Variants in CENPH observed in about 807,000 individuals in gnomAD.
CENPH encodes centromere protein H, also known as CENP-H.
A neutral mutation model predicts 42.9 loss-of-function variants in CENPH; 40 were observed. The observed-to-expected ratio is 0.93, with a 90% confidence interval of 0.72 to 1.21. The LOEUF (loss-of-function observed/expected upper bound fraction) is 1.21. CENPH is among the 50% of genes most tolerant of loss of function. The probability of loss-of-function intolerance (pLI) is 0.00; values close to 1 mark genes in which losing one functional copy is unlikely to be tolerated. For missense variants in CENPH, 302 were observed against 292.9 expected (o/e 1.03, Z -0.23); for synonymous variants, 88 against 96.5 (o/e 0.91, Z 0.52).
At chr5:69,203,946 A>G (rs983596959) in intron 7 of CENPH, among the ~76,000 whole-genome samples, 3 of 145,728 alleles carry the variant, frequency 2.1e-5, no homozygotes, top group South Asian at 2.2e-4. Flanking sequence ...ACTTTTCCAT[A>G]TCCATATAAA....
chr5:69,204,023 T>TATAA (rs1491256774), intron 7 of CENPH, among the ~76,000 whole-genome samples: 5,317 of 40,412 alleles, frequency 0.13, 489 homozygotes, highest in African/African-American at 0.27. Context: ...ATATATAAAT[T>TATAA]ATATATATAA....
intron 3 of CENPH, among the ~76,000 whole-genome samples, 191 bp downstream of exon 3, chr5:69,194,886 A>G (rs1215577748): frequency 6.6e-6 from 1 of 150,590 alleles, no homozygotes; most frequent in Non-Finnish European, 1.5e-5. Flanking sequence ...AGCTGGAACT[A>G]CAGGCTCATT....
At position 69,202,886 on chromosome 5, in the gene CENPH, A is replaced by G. The variant is rs748081658; in HGVS notation, c.436-33A>G. 8 of 1,314,568 alleles carry G rather than the reference A, an allele frequency of 6.1e-6. No individual in the cohort carries two copies. The East Asian group carries it at 1.6e-4, about 27-fold the overall frequency. 81.4% of individuals were successfully genotyped at this position (1,314,568 alleles called of 1,614,324 possible). ...TTACAGGTTTGTCCTTACATACAGT[A>G]ATGTGCTTTAACTTTTTTATTTTTA... On this transcript the variant is annotated intron_variant, in intron 6 of 8. Transcript: ENST00000283006.
At position 69,202,940 on chromosome 5, in the gene CENPH, A is replaced by C. The variant is rs537980989; in HGVS notation, c.457A>C (p.Lys153Gln). 19 of 1,592,732 alleles carry C rather than the reference A, an allele frequency of 1.2e-5. No individual in the cohort carries two copies. The South Asian group carries it at 2.2e-4, about 18-fold the overall frequency. The change falls in exon 7 of 9, where the codon AAA becomes CAA. Residue 153 changes from lysine (K) to glutamine (Q), a missense_variant. Coordinates refer to ENST00000283006, the MANE Select transcript of CENPH (RefSeq NM_022909.4). The stretch of plus-strand genomic sequence containing the variant: ...ACAGGAATCTTGGGATTTAGAGGAA[A>C]AACTGCTTGATATTAGAAAGAAGAG... Reference protein sequence around the residue: ...SQQESWDLEEKLLDIRKKRLQ... With the variant: ...SQQESWDLEEQLLDIRKKRLQ...
chr5:69,206,080 G>A (rs182065593), intron 7 of CENPH, among the ~76,000 whole-genome samples: 1 of 151,914 alleles, frequency 6.6e-6, no homozygotes, highest in African/African-American at 2.4e-5. Context: ...ACACAGGCTG[G>A]TATAGAACTC....
intron 5 of CENPH, among the ~76,000 whole-genome samples, chr5:69,197,798 A>G (rs1476484028): frequency 6.6e-6 from 1 of 151,426 alleles, no homozygotes; most frequent in Non-Finnish European, 1.5e-5. Flanking sequence ...AACTTAAAGT[A>G]TAATAATAAT....
Position 69,205,095 on chromosome 5 carries a change from T to A in CENPH, c.487+2125T>A, listed in dbSNP as rs531839701. Among the ~76,000 whole-genome samples the A allele has an allele frequency of 2.9e-3, 445 of 151,578 alleles. 6 individuals are homozygous for A. The highest frequency in any genetic ancestry group is 3.0e-3 in the Non-Finnish European group (202 of 67,940). ...CACCACGCCCAGCTAATTTTTTGTATTTTTAGTAGAGACGGTGTTTCACCA... is the reference window on the plus strand; with the variant it reads ...CACCACGCCCAGCTAATTTTTTGTAATTTTAGTAGAGACGGTGTTTCACCA... On this transcript the variant is annotated intron_variant, in intron 7 of 8. Transcript: ENST00000283006.
At chr5:69,199,423 G>A (rs1748023139) in intron 5 of CENPH, among the ~76,000 whole-genome samples, 1 of 152,168 alleles carries the variant, frequency 6.6e-6, no homozygotes, top group Non-Finnish European at 1.5e-5. Flanking sequence ...GGATCCACCT[G>A]CGTTGGCCTT....
At position 69,208,331 on chromosome 5, in the gene CENPH, TTAC is replaced by T. The variant is rs1276813991; in HGVS notation, c.628_630del (p.Thr210del). ...CAAAACCTACAGATGGAGATAAAAA[TTAC>T]TACTGTTATTCAACATGTGTTCCAG... On this transcript the variant is annotated inframe_deletion, in exon 8 of 9. Transcript: ENST00000283006. 8.1e-6 allele frequency: 13 copies of T among 1,595,624 alleles called. No individual in the cohort carries two copies. The East Asian group carries it at 2.9e-4, about 36-fold the overall frequency.
At chr5:69,206,462 T>C (rs970200086) in intron 7 of CENPH, among the ~76,000 whole-genome samples, 32 of 150,594 alleles carry the variant, frequency 2.1e-4, no homozygotes, top group Non-Finnish European at 4.4e-4. Flanking sequence ...ATTATACGCA[T>C]GAGCCACCGT....
intron 1 of CENPH, among the ~76,000 whole-genome samples, chr5:69,191,142 A>C (rs1040494421): frequency 3.3e-5 from 5 of 152,166 alleles, no homozygotes; most frequent in African/African-American, 1.2e-4. Context: ...CTGTGTTTGT[A>C]AATACAGTGG....
In CENPH at chr5:69,209,845, T is replaced by C. The variant is rs1316758884; in HGVS notation, c.*46T>C. On this transcript the variant is annotated 3_prime_UTR_variant, in exon 9 of 9. Coordinates refer to ENST00000283006, the MANE Select transcript of CENPH (RefSeq NM_022909.4). ...ATTTTACATTTCTGGCAATCTCAAC[T>C]CTTATTTGGAATACTTCTGTGCATT... 5.5e-6 allele frequency: 6 copies of C among 1,087,592 alleles called. No homozygotes were observed. Among genetic ancestry groups the C allele is most frequent in the Non-Finnish European group, 8.5e-6 (6 of 709,724 alleles). The allele number at this position is 1,087,592 out of a possible 1,614,324, so 67.4% of individuals were successfully genotyped here. A position where few individuals can be genotyped will look rare whatever the true frequency, so the allele number is the denominator to read the frequency against.
chr5:69,202,654 T>A, intron 6 of CENPH, 85 bp downstream of exon 6: 2 of 832,838 alleles, frequency 2.4e-6, no homozygotes, highest in Non-Finnish European at 4.0e-6. Context: ...TATGATTAAA[T>A]AGATTGTCCA....
At position 69,189,843 on chromosome 5, in the gene CENPH, C is replaced by A. The variant is rs879746033; in HGVS notation, c.134+75C>A. On this transcript the variant is annotated intron_variant, in intron 1 of 8. Transcript: ENST00000283006. Reference sequence around the variant, plus strand: ...GGAACTCCGCCCTTGCTCAGAAGGGCTAGGGTTCGAATTCACGCTCGGTCA... The same window carrying A: ...GGAACTCCGCCCTTGCTCAGAAGGGATAGGGTTCGAATTCACGCTCGGTCA... 76 of 1,399,418 alleles carry A rather than the reference C, an allele frequency of 5.4e-5. 1 individual carries two copies. The highest frequency in any genetic ancestry group is 6.6e-5 in the Non-Finnish European group (71 of 1,075,042). 86.7% of individuals were successfully genotyped at this position (1,399,418 alleles called of 1,614,324 possible). A position where few individuals can be genotyped will look rare whatever the true frequency, so the allele number is the denominator to read the frequency against.
chr5:69,193,087 A>G (rs1747903958), intron 2 of CENPH, among the ~76,000 whole-genome samples: 1 of 151,826 alleles, frequency 6.6e-6, no homozygotes, highest in Non-Finnish European at 1.5e-5. Flanking sequence ...ACAAGAGCAA[A>G]ACTCCGTCTC....
chr5:69,198,078 G>A (rs1320814603), intron 5 of CENPH, among the ~76,000 whole-genome samples: 1 of 151,144 alleles, frequency 6.6e-6, no homozygotes, highest in South Asian at 2.1e-4. Context: ...CCACCACCAC[G>A]CCTAGCTAAT....
At chr5:69,209,634 A>G (rs1344075452) in intron 8 of CENPH, 73 bp from the exon 9 acceptor site, 24 of 700,006 alleles carry the variant, frequency 3.4e-5, no homozygotes, top group Non-Finnish European at 5.6e-5. Flanking sequence ...AAGATTCATG[A>G]AAAATGATAT....
chr5:69,208,348 C>T lies in CENPH; in HGVS notation c.640C>T (p.His214Tyr). 6.3e-7 allele frequency: 1 copy of T among 1,587,558 alleles called. No homozygotes were observed. The highest frequency in any genetic ancestry group is 8.6e-7 in the Non-Finnish European group (1 of 1,161,578). ...MEIKITTVIQHVFQNLILGSK... is the reference protein window; with the variant it reads ...MEIKITTVIQYVFQNLILGSK... ...GATAAAAATTACTACTGTTATTCAA[C>T]ATGTGTTCCAGGTAACATTTATATA... Residue 214 changes from histidine (H) to tyrosine (Y), a missense_variant, in exon 8 of 9, where the codon CAT (histidine) becomes TAT (tyrosine). Transcript: ENST00000283006.
chr5:69,208,199 TAAAAC>T lies in CENPH; in HGVS notation c.494_498del (p.Lys165SerfsTer5). On this transcript the variant is annotated frameshift_variant, in exon 8 of 9. Transcript: ENST00000283006. LOFTEE classifies it high-confidence loss of function. ...TATTTTATTTTTAACCTAACAGAAT[TAAAAC>T]AAGCTTCAGAAAGTAAGCTTTTAGA... is the stretch of plus-strand genomic sequence containing the variant. 6.6e-7 allele frequency: 1 copy of T among 1,519,044 alleles called. No homozygotes were observed. The highest frequency in any genetic ancestry group is 9.1e-7 in the Non-Finnish European group (1 of 1,102,218). 94.1% of individuals were successfully genotyped at this position (1,519,044 alleles called of 1,614,324 possible).
Sources: allele counts gnomAD v4.1 joint callset (sites outside exome capture counted in the v4.1 genomes callset), GRCh38; gene constraint gnomAD v4.1.1; transcripts MANE v1.5; gene names NCBI Gene and HGNC (gene_info 2026-07-23, HGNC 2026-07-21).